The following EBF3 variants were observed in gnomAD, a reference collection of about 807,000 sequenced individuals.
EBF3 encodes EBF transcription factor 3, also known as transcription factor COE3.
Under a neutral mutation model 77.1 loss-of-function variants are expected in EBF3, and 18 were observed. The ratio of observed to expected loss-of-function variants is 0.23; its 90% CI spans 0.16 to 0.35. The LOEUF (loss-of-function observed/expected upper bound fraction) is 0.35. EBF3 is among the 10% of genes least tolerant of loss of function. The probability of loss-of-function intolerance (pLI) is 1.00; values close to 1 mark genes in which losing one functional copy is unlikely to be tolerated. For missense variants in EBF3, 558 were observed against 860.0 expected, an observed-to-expected ratio of 0.65 and a Z score of 4.39; for synonymous variants, 350 against 343.5, an observed-to-expected ratio of 1.02 and a Z score of -0.21.
intron 6 of EBF3, among the ~76,000 whole-genome samples, chr10:129,939,265 A>C (rs964523565): frequency 2.6e-5 from 4 of 152,008 alleles, no homozygotes; most frequent in East Asian, 1.9e-4. Flanking sequence ...CCTGCCCTCC[A>C]CCCTCCCCTC....
At chr10:129,840,487 C>G in intron 14 of EBF3, 45 bp from the exon 15 acceptor site, 3 of 1,532,332 alleles carry the variant, frequency 2.0e-6, no homozygotes, top group Non-Finnish European at 2.6e-6. Flanking sequence ...CGCGGCACAG[C>G]GCCACGGCGA....
intron 6 of EBF3, among the ~76,000 whole-genome samples, chr10:129,909,843 G>A (rs1244492576): frequency 4.6e-5 from 7 of 152,154 alleles, no homozygotes; most frequent in Admixed American, 1.3e-4. Context: ...CCCTTTCCTC[G>A]CCGCTCTGAC....
In EBF3 at chr10:129,947,533, C is replaced by T. The variant is rs1858317728; in HGVS notation, c.554+9725G>A. Among the ~76,000 whole-genome samples the T allele has an allele frequency of 6.6e-6, 1 of 152,092 alleles. No homozygotes were observed. Among genetic ancestry groups the T allele is most frequent in the South Asian group, 2.1e-4 (1 of 4,814 alleles). ...CCTTCCCAATAATTTAATCATTTTC[C>T]TTTTATGGCCTATACTATTTACATA... On this transcript the variant is annotated intron_variant, in intron 6 of 16. Transcript: ENST00000440978. The surrounding 1 kb of genome is among the most constrained non-coding windows in gnomAD (Gnocchi z 4.5).
rs1389953108 is a variant in EBF3, at chr10:129,867,381, T to G, written c.913-114A>C. 6.7e-6 allele frequency: 10 copies of G among 1,484,626 alleles called. No homozygotes were observed. The South Asian group carries it at 1.1e-4, about 17-fold the overall frequency. The allele number at this position is 1,484,626 out of a possible 1,614,324, so 92.0% of individuals were successfully genotyped here. A position where few individuals can be genotyped will look rare whatever the true frequency, so the allele number is the denominator to read the frequency against. On this transcript the variant is annotated intron_variant, in intron 9 of 16. Coordinates refer to ENST00000440978, the MANE Select transcript of EBF3 (RefSeq NM_001375380.1). ...CACAAATTGGACCATCGTCTTGGAA[T>G]GCCCCCTCCTAGCTGTCACCCAGAG...
At chr10:129,929,882 T>A (rs1486714493) in intron 6 of EBF3, among the ~76,000 whole-genome samples, 1 of 152,178 alleles carries the variant, frequency 6.6e-6, no homozygotes, top group Non-Finnish European at 1.5e-5. Context: ...TGGTCAAACA[T>A]CATTTCTGGG....
At position 129,836,495 on chromosome 10, in the gene EBF3, C is replaced by T. The variant is rs1054241770; in HGVS notation, c.*1448G>A. ...AGGATTTGTCACGGCCGGGTGGCAC[C>T]GATTTGTTTTGACTATACAACAAAC... On this transcript the variant is annotated 3_prime_UTR_variant, in exon 17 of 17. Transcript: ENST00000440978. The T allele has an allele frequency of 1.3e-4, 20 of 152,340 alleles. No individual in the cohort carries two copies. The highest frequency in any genetic ancestry group is 3.6e-4 in the African/African-American group (15 of 41,456). 9.4% of individuals were successfully genotyped at this position (152,340 alleles called of 1,614,324 possible).
chr10:129,945,592 T>C (rs1178057356), intron 6 of EBF3, among the ~76,000 whole-genome samples: 1 of 152,228 alleles, frequency 6.6e-6, no homozygotes. Flanking sequence ...GGCTGTGAAC[T>C]AGCAGAAGCG....
At chr10:129,855,381 T>C (rs941887868) in intron 10 of EBF3, among the ~76,000 whole-genome samples, 3 of 152,348 alleles carry the variant, frequency 2.0e-5, no homozygotes, top group Admixed American at 6.5e-5. Context: ...CTGACAACTA[T>C]TGGATTGCAT....
intron 6 of EBF3, among the ~76,000 whole-genome samples, chr10:129,932,677 A>G (rs1857103154): frequency 6.6e-6 from 1 of 152,128 alleles, no homozygotes; most frequent in Admixed American, 6.5e-5. Context: ...TTTCCTGCAC[A>G]TTTTGCATTT....
intron 6 of EBF3, among the ~76,000 whole-genome samples, chr10:129,912,597 T>C (rs1217587588): frequency 3.3e-5 from 5 of 152,228 alleles, no homozygotes; most frequent in Non-Finnish European, 7.3e-5. Context: ...TTCTGTTATA[T>C]TGCCCCTATT....
Position 129,837,654 on chromosome 10 carries a change from G to C in EBF3, c.*289C>G. ...GTCGGAAACTTTATACAAAATAGGC[G>C]TCGCTTTGTTTTCCTTATTCTTCAG... On this transcript the variant is annotated 3_prime_UTR_variant, in exon 17 of 17. Transcript: ENST00000440978. The C allele has an allele frequency of 2.4e-6, 1 of 412,392 alleles. No homozygotes were observed. Among genetic ancestry groups the C allele is most frequent in the South Asian group, 4.0e-5 (1 of 25,198 alleles). The allele number at this position is 412,392 out of a possible 1,614,324, so 25.5% of individuals were successfully genotyped here.
At position 129,848,877 on chromosome 10, in the gene EBF3, C is replaced by T. The variant is rs1326807501; in HGVS notation, c.1040-397G>A. The stretch of plus-strand genomic sequence containing the variant: ...AATTATGACATATGTCCAGCTATTG[C>T]TAGCCTCAGATTTATCCCTGTGGTC... On this transcript the variant is annotated intron_variant, in intron 10 of 16. Transcript: ENST00000440978. The surrounding 1 kb of genome is among the most constrained non-coding windows in gnomAD (Gnocchi z 4.4). Among the ~76,000 whole-genome samples the T allele has an allele frequency of 6.6e-6, 1 of 152,216 alleles. No homozygotes were observed. Among genetic ancestry groups the T allele is most frequent in the African/African-American group, 2.4e-5 (1 of 41,456 alleles).
chr10:129,887,079 T>G (rs1589790733), intron 6 of EBF3, among the ~76,000 whole-genome samples: 8 of 88,926 alleles, frequency 9.0e-5, no homozygotes, highest in African/African-American at 1.2e-4. Flanking sequence ...GGTGAATAGA[T>G]GCATTTAGGA....
At chr10:129,880,401 A>G (rs1272896932) in intron 6 of EBF3, among the ~76,000 whole-genome samples, 4 of 151,960 alleles carry the variant, frequency 2.6e-5, no homozygotes, top group Admixed American at 1.3e-4. Context: ...ATGCCTACAC[A>G]TGCATACACA....
chr10:129,877,465 A>G (rs1310361937), intron 7 of EBF3, among the ~76,000 whole-genome samples: 2 of 132,080 alleles, frequency 1.5e-5, no homozygotes, highest in Non-Finnish European at 3.1e-5. Context: ...TGGGATACAG[A>G]GCAAGACTCT....
intron 11 of EBF3, 72 bp from the exon 12 acceptor site, chr10:129,843,274 TC>T: frequency 6.6e-7 from 1 of 1,506,356 alleles, no homozygotes; most frequent in South Asian, 1.2e-5. Flanking sequence ...CAGTACCAGT[TC>T]CGTCTGCGGG....
At chr10:129,846,411 G>A (rs909916760) in intron 11 of EBF3, among the ~76,000 whole-genome samples, 1 of 151,812 alleles carries the variant, frequency 6.6e-6, no homozygotes, top group Non-Finnish European at 1.5e-5. Context: ...GCGGGGTGAC[G>A]CCGAGGAGGG....
intron 6 of EBF3, among the ~76,000 whole-genome samples, chr10:129,951,797 C>T (rs971452736): frequency 2.3e-4 from 35 of 152,240 alleles, no homozygotes; most frequent in African/African-American, 8.2e-4. Flanking sequence ...GCAGGGCAAA[C>T]CTACAAAGTG....
chr10:129,855,851 T>C (rs1304932574), intron 10 of EBF3, among the ~76,000 whole-genome samples: 3 of 152,158 alleles, frequency 2.0e-5, no homozygotes, highest in African/African-American at 7.2e-5. Flanking sequence ...AAACAGGAAA[T>C]CTAATGCTCT....
Sources: allele counts gnomAD v4.1 joint callset (sites outside exome capture counted in the v4.1 genomes callset), GRCh38; gene constraint gnomAD v4.1.1; non-coding constraint Gnocchi (gnomAD v3.1); transcripts MANE v1.5; gene names NCBI Gene and HGNC (gene_info 2026-07-23, HGNC 2026-07-21).